Variants in BRK1 observed in about 807,000 individuals in gnomAD.
The protein encoded by BRK1 is protein BRICK1.
BRK1 carries 6 observed loss-of-function variants against 9.9 expected under a neutral mutation model. The observed-to-expected ratio is 0.60, with a 90% CI of 0.33 to 1.19. The LOEUF is 1.19. Among genes scored for constraint, BRK1 ranks in the 50% most tolerant of loss-of-function variants. The pLI is 0.04. For missense variants in BRK1, 62 were observed against 97.5 expected, an observed-to-expected ratio of 0.64 and a Z score of 1.53; for synonymous variants, 44 against 31.9, an observed-to-expected ratio of 1.38 and a Z score of -1.28.
intron 1 of BRK1, among the ~76,000 whole-genome samples, chr3:10,122,068 T>C (rs1307097396): frequency 6.7e-6 from 1 of 150,224 alleles, no homozygotes; most frequent in East Asian, 1.9e-4. Context: ...TTTGTATTTT[T>C]AGTAGAGACA....
chr3:10,126,516 T>A lies in BRK1; in HGVS notation c.*221T>A, dbSNP rs1480764125. The A allele has an allele frequency of 2.2e-6, 1 of 463,928 alleles. No individual in the cohort carries two copies. The highest frequency in any genetic ancestry group is 3.9e-5 in the Admixed American group (1 of 25,560). 28.7% of individuals were successfully genotyped at this position (463,928 alleles called of 1,614,324 possible). A position where few individuals can be genotyped will look rare whatever the true frequency, so the allele number is the denominator to read the frequency against. On this transcript the variant is annotated 3_prime_UTR_variant, in exon 3 of 3. Coordinates refer to ENST00000530758, the MANE Select transcript of BRK1 (RefSeq NM_018462.5). ...ACCGTTGGAAACGACGTTAGGCATT[T>A]TACCTTTTCAGTAACATTTTATACA...
In BRK1 at chr3:10,122,166, G is replaced by A. The variant is rs527910104; in HGVS notation, c.119-3460G>A. On this transcript the variant is annotated intron_variant, in intron 1 of 2. Coordinates refer to ENST00000530758, the MANE Select transcript of BRK1 (RefSeq NM_018462.5). ...CTTGAACTCCGACCTCAGGTGATCC[G>A]CCCGCCTCGGCCTCCCAAAGTGCTG... Among the ~76,000 whole-genome samples, 31 of 150,238 alleles carry A rather than the reference G, an allele frequency of 2.1e-4. No individual in the cohort carries two copies. In the South Asian group the frequency reaches 4.2e-3, roughly 20 times the overall value.
chr3:10,116,259 C>T (rs1695683659), intron 1 of BRK1, among the ~76,000 whole-genome samples: 1 of 152,096 alleles, frequency 6.6e-6, no homozygotes, highest in Non-Finnish European at 1.5e-5. Context: ...TGGTCGATAC[C>T]CTCTAGCGTC....
At chr3:10,126,183 C>T (rs1695837649) in intron 2 of BRK1, 86 bp from the exon 3 acceptor site, 1 of 898,778 alleles carries the variant, frequency 1.1e-6, no homozygotes, top group Non-Finnish European at 1.6e-6. Flanking sequence ...TGCTATTTCT[C>T]ACTGCCTAGG....
At chr3:10,117,092 A>T (rs1251799102) in intron 1 of BRK1, among the ~76,000 whole-genome samples, 1 of 152,144 alleles carries the variant, frequency 6.6e-6, no homozygotes, top group Non-Finnish European at 1.5e-5. Flanking sequence ...AACAACGACA[A>T]CAAAAAAATT....
At chr3:10,117,544 C>T (rs549109365) in intron 1 of BRK1, among the ~76,000 whole-genome samples, 8 of 151,876 alleles carry the variant, frequency 5.3e-5, no homozygotes, top group African/African-American at 1.9e-4. Context: ...CAGGTGTGCA[C>T]CACCACACCT....
chr3:10,118,447 C>T (rs1695715078), intron 1 of BRK1, among the ~76,000 whole-genome samples: 1 of 151,834 alleles, frequency 6.6e-6, no homozygotes, highest in African/African-American at 2.4e-5. Flanking sequence ...GTACAATTGT[C>T]CCTTGAACAA....
intron 1 of BRK1, among the ~76,000 whole-genome samples, chr3:10,118,315 G>A (rs1476052231): frequency 2.6e-5 from 4 of 151,110 alleles, no homozygotes; most frequent in Admixed American, 6.6e-5. Context: ...AGACCCCACC[G>A]GCTGCGAAAC....
At chr3:10,125,572 C>T (rs372784072) in intron 1 of BRK1, 54 bp from the exon 2 acceptor site, 2 of 1,062,052 alleles carry the variant, frequency 1.9e-6, no homozygotes, top group Non-Finnish European at 2.9e-6. Context: ...TTGTGTGTGT[C>T]TGTGTCTGTG....
Position 10,115,716 on chromosome 3 carries a change from G to A in BRK1, c.15G>A (p.Glu5=), listed in dbSNP as rs1446246386. 2 of 1,613,918 alleles carry A rather than the reference G, an allele frequency of 1.2e-6. No homozygotes were observed. Among genetic ancestry groups the A allele is most frequent in the Admixed American group, 3.3e-5 (2 of 60,016 alleles). The change falls in exon 1 of 3, where the codon GAG becomes GAA. Residue 5 remains glutamate (E), a synonymous_variant. Transcript: ENST00000530758. MAGQ[E]DPVQREIHQD... ...AGGCGGCGGCCATGGCGGGACAGGA[G>A]GATCCGGTGCAGCGGGAGATTCACC...
chr3:10,123,753 T>TTTTTG (rs1695797317), intron 1 of BRK1, among the ~76,000 whole-genome samples: 1 of 138,046 alleles, frequency 7.2e-6, no homozygotes, highest in African/African-American at 2.9e-5. Context: ...TTTTTTTTTT[T>TTTTTG]GAGATGGAGT....
intron 2 of BRK1, 26 bp from the exon 3 acceptor site, chr3:10,126,243 A>G (rs775250491): frequency 6.7e-6 from 10 of 1,500,716 alleles, no homozygotes; most frequent in Non-Finnish European, 8.9e-6. Flanking sequence ...ATTTATCTAA[A>G]TGTCAGTTTT....
At position 10,126,394 on chromosome 3, in the gene BRK1, C is replaced by A; in HGVS notation, c.*99C>A. The A allele has an allele frequency of 1.9e-6, 2 of 1,049,206 alleles. No individual in the cohort carries two copies. The highest frequency in any genetic ancestry group is 2.8e-6 in the Non-Finnish European group (2 of 711,108). The allele number at this position is 1,049,206 out of a possible 1,614,324, so 65.0% of individuals were successfully genotyped here. ...AGCTCCTTCCTTTCTCCTTAAAGAG[C>A]AACAGGGCTTATTCTTGTTTTTCTT... On this transcript the variant is annotated 3_prime_UTR_variant, in exon 3 of 3. Coordinates refer to ENST00000530758, the MANE Select transcript of BRK1 (RefSeq NM_018462.5).
At chr3:10,126,247 C>G in intron 2 of BRK1, 22 bp from the exon 3 acceptor site, 1 of 1,505,892 alleles carries the variant, frequency 6.6e-7, no homozygotes, top group Non-Finnish European at 8.8e-7. Flanking sequence ...ATCTAAATGT[C>G]AGTTTTCCTT....
chr3:10,119,096 C>G (rs1355826841), intron 1 of BRK1, among the ~76,000 whole-genome samples: 1 of 149,652 alleles, frequency 6.7e-6, no homozygotes. Flanking sequence ...AAGCTCTGCA[C>G]TCGCGCCACT....
At chr3:10,117,142 C>T (rs1190584278) in intron 1 of BRK1, among the ~76,000 whole-genome samples, 1 of 152,036 alleles carries the variant, frequency 6.6e-6, no homozygotes, top group Non-Finnish European at 1.5e-5. Context: ...CCCAGCTACT[C>T]GGGAGGCTGA....
rs1340543668 is a variant in BRK1, at chr3:10,125,543, C to G, written c.119-83C>G. The stretch of plus-strand genomic sequence containing the variant: ...TCCATTTGTATTCTGTGTATTATTC[C>G]TCTTTTTCATTGTAGGTGTTGTGTG... On this transcript the variant is annotated intron_variant, in intron 1 of 2. Coordinates refer to ENST00000530758, the MANE Select transcript of BRK1 (RefSeq NM_018462.5). The G allele has an allele frequency of 3.7e-6, 3 of 805,638 alleles. No homozygotes were observed. The Admixed American group carries it at 6.9e-5, about 18-fold the overall frequency. The allele number at this position is 805,638 out of a possible 1,614,324, so 49.9% of individuals were successfully genotyped here. A position where few individuals can be genotyped will look rare whatever the true frequency, so the allele number is the denominator to read the frequency against.
In BRK1 at chr3:10,126,469, A is replaced by T; in HGVS notation, c.*174A>T. 1 of 540,520 alleles carries T rather than the reference A, an allele frequency of 1.9e-6. No individual in the cohort carries two copies. The highest frequency in any genetic ancestry group is 3.2e-6 in the Non-Finnish European group (1 of 310,266). The allele number at this position is 540,520 out of a possible 1,614,324, so 33.5% of individuals were successfully genotyped here. On this transcript the variant is annotated 3_prime_UTR_variant, in exon 3 of 3. Coordinates refer to ENST00000530758, the MANE Select transcript of BRK1 (RefSeq NM_018462.5). ...TCTGCCATCTGGGGTGTGGTGTGGTATGTGGGAAGAAGTTCAGAGGAACCG... is the reference window on the plus strand; with the variant it reads ...TCTGCCATCTGGGGTGTGGTGTGGTTTGTGGGAAGAAGTTCAGAGGAACCG...
intron 1 of BRK1, among the ~76,000 whole-genome samples, chr3:10,124,279 C>G (rs1308393859): frequency 6.6e-6 from 1 of 150,994 alleles, no homozygotes; most frequent in Non-Finnish European, 1.5e-5. Context: ...ATGGTGAAAC[C>G]CCGTCTCTAC....
Sources: allele counts gnomAD v4.1 joint callset (sites outside exome capture counted in the v4.1 genomes callset), GRCh38; gene constraint gnomAD v4.1.1; transcripts MANE v1.5; gene names NCBI Gene and HGNC (gene_info 2026-07-23, HGNC 2026-07-21).